Variants in MYO1D observed in about 807,000 individuals in gnomAD.
MYO1D encodes the protein myosin ID.
Under a neutral mutation model 122.0 loss-of-function variants are expected in MYO1D, and 83 were observed. That is an observed-to-expected ratio of 0.68 (90% confidence interval 0.57 to 0.82). The LOEUF (loss-of-function observed/expected upper bound fraction) is 0.82, where lower values mean the gene tolerates loss of function less well. Ranked by LOEUF, MYO1D falls within the 40% of genes least tolerant of loss-of-function variation. The probability of loss-of-function intolerance (pLI) is 0.00; values close to 1 mark genes in which losing one functional copy is unlikely to be tolerated. For missense variants in MYO1D, 1,157 were observed against 1,269.5 expected (o/e 0.91, Z 1.35); for synonymous variants, 464 against 446.9 (o/e 1.04, Z -0.48).
chr17:32,692,298 T>C (rs923354082), intron 16 of MYO1D, among the ~76,000 whole-genome samples: 4 of 152,246 alleles, frequency 2.6e-5, no homozygotes, highest in Admixed American at 6.5e-5. Context: ...GTAGTAGTTA[T>C]ATACATTTGC....
In MYO1D at chr17:32,493,065, GT is replaced by G. The variant is rs1175607911; in HGVS notation, c.*1693del. On this transcript the variant is annotated 3_prime_UTR_variant, in exon 22 of 22. Coordinates refer to ENST00000318217, the MANE Select transcript of MYO1D (RefSeq NM_015194.3). ...GCATGTGTCTAGTGTAAAGCAACAA[GT>G]TTGAGGAAATAAGTGGAAGGAGAGA... The G allele has an allele frequency of 6.6e-6, 1 of 152,632 alleles. No homozygotes were observed. Among genetic ancestry groups the G allele is most frequent in the Non-Finnish European group, 1.5e-5 (1 of 68,070 alleles). The allele number at this position is 152,632 out of a possible 1,614,324, so 9.5% of individuals were successfully genotyped here.
At chr17:32,592,947 G>A (rs918707858) in intron 21 of MYO1D, among the ~76,000 whole-genome samples, 4 of 152,048 alleles carry the variant, frequency 2.6e-5, no homozygotes, top group East Asian at 3.9e-4. Context: ...TGCTGGCCCC[G>A]TACACTTCGT....
At chr17:32,597,530 A>G (rs759088838) in intron 21 of MYO1D, among the ~76,000 whole-genome samples, 7 of 152,194 alleles carry the variant, frequency 4.6e-5, no homozygotes, top group Non-Finnish European at 1.0e-4. Context: ...ATCTATCTAT[A>G]TAAATAGAGA....
intron 11 of MYO1D, among the ~76,000 whole-genome samples, chr17:32,752,572 C>T (rs980557932): frequency 1.3e-5 from 2 of 151,792 alleles, no homozygotes; most frequent in Non-Finnish European, 2.9e-5. Context: ...AACTAAATAA[C>T]AAAAAAATCA....
At chr17:32,531,520 T>G (rs1019873392) in intron 21 of MYO1D, 1 of 152,362 alleles carries the variant, frequency 6.6e-6, no homozygotes, top group African/African-American at 2.4e-5. Context: ...GTAAGCTTAC[T>G]CTGCAATACC....
chr17:32,699,097 T>C (rs2089212281), intron 16 of MYO1D, among the ~76,000 whole-genome samples: 1 of 152,098 alleles, frequency 6.6e-6, no homozygotes, highest in Non-Finnish European at 1.5e-5. Context: ...CCTGAATAGC[T>C]GGGATTACAG....
chr17:32,712,730 C>T (rs1300491825), intron 15 of MYO1D, among the ~76,000 whole-genome samples: 2 of 152,150 alleles, frequency 1.3e-5, no homozygotes, highest in East Asian at 3.8e-4. Context: ...GAGCAACACA[C>T]AAAAATTAAT....
At chr17:32,832,619 T>A (rs1037987567) in intron 1 of MYO1D, among the ~76,000 whole-genome samples, 4 of 152,164 alleles carry the variant, frequency 2.6e-5, no homozygotes, top group African/African-American at 9.7e-5. Flanking sequence ...ATTTTGCATT[T>A]GTTAAAATTA....
At chr17:32,789,610 A>G (rs1489043154) in intron 1 of MYO1D, among the ~76,000 whole-genome samples, 2 of 152,240 alleles carry the variant, frequency 1.3e-5, no homozygotes, top group East Asian at 3.8e-4. Context: ...ATGTAACCTT[A>G]TCTGGAAATA....
chr17:32,565,155 C>G (rs1221821597), intron 21 of MYO1D, among the ~76,000 whole-genome samples: 1 of 152,136 alleles, frequency 6.6e-6, no homozygotes, highest in African/African-American at 2.4e-5. Flanking sequence ...AGGTGTTCAC[C>G]ACCACATCCA....
chr17:32,624,502 A>G (rs2087899950), intron 20 of MYO1D, among the ~76,000 whole-genome samples: 1 of 152,114 alleles, frequency 6.6e-6, no homozygotes, highest in African/African-American at 2.4e-5. Flanking sequence ...CTGAGTTAAG[A>G]CTACTAACAT....
At chr17:32,853,442 T>C (rs1281382840) in intron 1 of MYO1D, among the ~76,000 whole-genome samples, 2 of 152,220 alleles carry the variant, frequency 1.3e-5, no homozygotes, top group East Asian at 3.9e-4. Context: ...ACTTGCCAAC[T>C]TCCTGCTCAC....
At chr17:32,669,299 G>C (rs2150959511) in intron 16 of MYO1D, among the ~76,000 whole-genome samples, 1 of 152,270 alleles carries the variant, frequency 6.6e-6, no homozygotes, top group Middle Eastern at 3.4e-3. Context: ...GAGAGGAAGA[G>C]TCCACATCGA....
chr17:32,707,951 G>C (rs1435681934), intron 16 of MYO1D, among the ~76,000 whole-genome samples: 1 of 152,162 alleles, frequency 6.6e-6, no homozygotes, highest in African/African-American at 2.4e-5. Context: ...ACTGGGAGAA[G>C]ACTCTTGGAA....
intron 1 of MYO1D, among the ~76,000 whole-genome samples, chr17:32,875,968 C>A (rs555235562): frequency 1.3e-5 from 2 of 152,154 alleles, no homozygotes; most frequent in Non-Finnish European, 2.9e-5. Context: ...ATGTAAAGGG[C>A]TTTCTAAAAC....
intron 21 of MYO1D, among the ~76,000 whole-genome samples, chr17:32,580,578 T>A (rs1166682392): frequency 6.6e-6 from 1 of 151,550 alleles, no homozygotes; most frequent in Non-Finnish European, 1.5e-5. Context: ...CCCAGCTAAT[T>A]TTTTGTATTT....
intron 1 of MYO1D, among the ~76,000 whole-genome samples, chr17:32,791,102 A>C (rs1321368775): frequency 1.3e-5 from 2 of 152,132 alleles, no homozygotes; most frequent in Non-Finnish European, 2.9e-5. Flanking sequence ...GGTGGCTCAC[A>C]CCTGTAATCC....
At chr17:32,635,054 A>C (rs1254116550) in intron 20 of MYO1D, among the ~76,000 whole-genome samples, 1 of 152,206 alleles carries the variant, frequency 6.6e-6, no homozygotes, top group South Asian at 2.1e-4. Flanking sequence ...GGCATGAACA[A>C]AAGTACCGAT....
At chr17:32,567,654 C>T (rs981382818) in intron 21 of MYO1D, among the ~76,000 whole-genome samples, 1 of 152,232 alleles carries the variant, frequency 6.6e-6, no homozygotes, top group African/African-American at 2.4e-5. Context: ...GGGCTTCAGT[C>T]ATGGCCAGTC....
Sources: gnomAD v4.1 joint callset for allele counts (sites outside exome capture counted in the v4.1 genomes callset) on GRCh38, gnomAD v4.1.1 for gene constraint, MANE v1.5 for transcripts, NCBI Gene and HGNC (gene_info 2026-07-23, HGNC 2026-07-21) for gene names.